SEM1: variants seen among roughly 807,000 people sequenced by gnomAD.
The protein encoded by SEM1 is SEM1 26S proteasome subunit, also known as 26S proteasome complex subunit SEM1.
A neutral mutation model predicts 12.7 loss-of-function variants in SEM1; 3 were observed. The observed-to-expected ratio is 0.24, with a 90% CI of 0.11 to 0.61. The LOEUF is 0.61. Ranked by LOEUF, SEM1 falls within the 20% of genes least tolerant of loss-of-function variation. The pLI is 0.88. For missense variants in SEM1, 59 were observed against 81.3 expected (o/e 0.73, Z 1.06); for synonymous variants, 30 against 27.8 (o/e 1.08, Z -0.25).
At chr7:96,701,730 C>T (rs1790280310) in intron 1 of SEM1, among the ~76,000 whole-genome samples, 1 of 151,574 alleles carries the variant, frequency 6.6e-6, no homozygotes, top group African/African-American at 2.4e-5. Context: ...CAAAATGATA[C>T]AATTTTATTT....
At chr7:96,492,932 G>A (rs1285593904) in intron 1 of SEM1, among the ~76,000 whole-genome samples, 1 of 151,806 alleles carries the variant, frequency 6.6e-6, no homozygotes, top group Non-Finnish European at 1.5e-5. Context: ...AATTATTTCT[G>A]GTGTATATTC....
At chr7:96,661,054 A>G (rs950957017) in intron 2 of SEM1, among the ~76,000 whole-genome samples, 3 of 152,210 alleles carry the variant, frequency 2.0e-5, no homozygotes, top group African/African-American at 7.2e-5. Context: ...TTTCATATAT[A>G]TTAATTTACT....
intron 1 of SEM1, chr7:96,706,535 C>T (rs1241732758): frequency 2.8e-5 from 4 of 141,218 alleles, no homozygotes; most frequent in Non-Finnish European, 6.0e-5. Flanking sequence ...GCACTCCAGC[C>T]TGGGCAACAA....
At chr7:96,696,503 CCCTT>C (rs1790103913) in intron 1 of SEM1, 1 of 151,874 alleles carries the variant, frequency 6.6e-6, no homozygotes, top group African/African-American at 2.4e-5. Context: ...TAGCATACCA[CCCTT>C]CCAATTATCA....
chr7:96,504,253 C>G (rs1439754083), intron 3 of SEM1, among the ~76,000 whole-genome samples: 1 of 152,070 alleles, frequency 6.6e-6, no homozygotes, highest in African/African-American at 2.4e-5. Context: ...CACATCATAT[C>G]CTTTCCTAAA....
intron 2 of SEM1, among the ~76,000 whole-genome samples, chr7:96,657,413 A>T (rs1809215492): frequency 6.6e-6 from 1 of 152,216 alleles, no homozygotes; most frequent in African/African-American, 2.4e-5. Flanking sequence ...CTTTATCCAG[A>T]CTTGATATCA....
At chr7:96,533,065 A>C (rs553030917) in intron 2 of SEM1, among the ~76,000 whole-genome samples, 147 of 152,232 alleles carry the variant, frequency 9.7e-4, no homozygotes, top group African/African-American at 3.4e-3. Context: ...TCTGGGAGGA[A>C]GTTCCATCTC....
intron 2 of SEM1, among the ~76,000 whole-genome samples, chr7:96,532,190 TA>T (rs1260540434): frequency 1.5e-4 from 23 of 152,114 alleles, no homozygotes; most frequent in Admixed American, 1.5e-3. Flanking sequence ...AAACATGTTT[TA>T]AAAAAATCAT....
At chr7:96,514,395 A>C (rs919213105) in intron 2 of SEM1, among the ~76,000 whole-genome samples, 1 of 152,130 alleles carries the variant, frequency 6.6e-6, no homozygotes, top group African/African-American at 2.4e-5. Context: ...CATTTTCAAC[A>C]TCATACTGGA....
intron 2 of SEM1, among the ~76,000 whole-genome samples, chr7:96,676,513 C>T (rs1035731675): frequency 2.0e-5 from 3 of 152,186 alleles, no homozygotes; most frequent in African/African-American, 7.2e-5. Context: ...TGCTATGCTA[C>T]AGTTTTTAAT....
At chr7:96,608,430 T>C (rs138620043) in intron 2 of SEM1, among the ~76,000 whole-genome samples, 2 of 152,312 alleles carry the variant, frequency 1.3e-5, no homozygotes, top group Non-Finnish European at 2.9e-5. Flanking sequence ...TTTATTGAGA[T>C]AATTTATATA....
intron 2 of SEM1, among the ~76,000 whole-genome samples, chr7:96,652,630 TTTAA>T (rs779640942): frequency 1.8e-4 from 27 of 152,178 alleles, no homozygotes; most frequent in Admixed American, 6.5e-5. Flanking sequence ...TATAATACTA[TTTAA>T]AACCCCAAAG....
intron 2 of SEM1, among the ~76,000 whole-genome samples, chr7:96,659,526 A>G (rs1179318378): frequency 6.6e-6 from 1 of 152,212 alleles, no homozygotes; most frequent in African/African-American, 2.4e-5. Context: ...GAGAGACACA[A>G]GAGGAAAAGT....
downstream of SEM1, among the ~76,000 whole-genome samples, chr7:96,618,158 T>G (rs1490036548): frequency 6.6e-6 from 1 of 152,190 alleles, no homozygotes; most frequent in Non-Finnish European, 1.5e-5. Context: ...GAACTTGGGC[T>G]TTTTTGTTGT....
At chr7:96,645,963 T>C (rs1322784625) in intron 2 of SEM1, 4 of 398,078 alleles carry the variant, frequency 1.0e-5, no homozygotes, top group Non-Finnish European at 1.8e-5. Context: ...ATATATTCCA[T>C]GAATATTTAG....
chr7:96,533,019 T>C (rs1351140292), intron 2 of SEM1, among the ~76,000 whole-genome samples: 1 of 152,080 alleles, frequency 6.6e-6, no homozygotes, highest in Non-Finnish European at 1.5e-5. Context: ...CATCCAGAAA[T>C]GCACAATATT....
intron 2 of SEM1, among the ~76,000 whole-genome samples, chr7:96,530,189 C>T (rs1210449078): frequency 1.3e-5 from 2 of 152,074 alleles, no homozygotes; most frequent in African/African-American, 2.4e-5. Context: ...AAGGCCATAG[C>T]TTGTCTGGAC....
At chr7:96,579,140 C>T (rs1426898194) in intron 2 of SEM1, among the ~76,000 whole-genome samples, 2 of 152,104 alleles carry the variant, frequency 1.3e-5, no homozygotes, top group African/African-American at 4.8e-5. Context: ...TTCTAACTAC[C>T]ATGATGAGAT....
downstream of SEM1, among the ~76,000 whole-genome samples, chr7:96,687,180 T>C (rs1789785257): frequency 6.6e-6 from 1 of 152,172 alleles, no homozygotes; most frequent in African/African-American, 2.4e-5. Context: ...ACTTTTACAC[T>C]GTTGGTGGGA....
Sources: allele counts gnomAD v4.1 joint callset (sites outside exome capture counted in the v4.1 genomes callset), GRCh38; gene constraint gnomAD v4.1.1; transcripts MANE v1.5; gene names NCBI Gene and HGNC (gene_info 2026-07-23, HGNC 2026-07-21).